ATP2C1: variants seen among roughly 807,000 people sequenced by gnomAD.
The protein encoded by ATP2C1 is calcium-transporting ATPase type 2C member 1.
In ATP2C1, 31 loss-of-function variants were observed where a neutral mutation model predicts 120.5. That is an observed-to-expected ratio of 0.26 (90% CI 0.19 to 0.35). The LOEUF is 0.35. ATP2C1 is among the 10% of genes least tolerant of loss of function. ATP2C1 has a pLI of 1.00. For missense variants in ATP2C1, 731 were observed against 1,107.5 expected (o/e 0.66, Z 4.83); for synonymous variants, 351 against 358.7 (o/e 0.98, Z 0.24).
chr3:131,015,467 T>C (rs1412637137), intron 26 of ATP2C1, among the ~76,000 whole-genome samples: 2 of 152,240 alleles, frequency 1.3e-5, no homozygotes, highest in African/African-American at 2.4e-5. Context: ...CTTTTTATCA[T>C]ACCCAGCTTA....
chr3:131,005,267 C>T (rs2063062646), downstream of ATP2C1, among the ~76,000 whole-genome samples: 1 of 151,852 alleles, frequency 6.6e-6, no homozygotes, highest in South Asian at 2.1e-4. Flanking sequence ...AGGTGCACAC[C>T]ACCATGTCTG....
chr3:130,912,105 G>A (rs2058448692), intron 2 of ATP2C1, among the ~76,000 whole-genome samples: 1 of 104,936 alleles, frequency 9.5e-6, no homozygotes, highest in Non-Finnish European at 1.9e-5. Context: ...ATCAATTCAA[G>A]ATGGATTAAA....
rs537485575 is a variant in ATP2C1 at position 130,961,964 on chromosome 3, A to G, written c.900-2007A>G. 5.3e-5 allele frequency among the ~76,000 whole-genome samples: 8 copies of G among 152,166 alleles called. No individual in the cohort carries two copies. The East Asian group carries it at 1.3e-3, about 26-fold the overall frequency. On this transcript the variant is annotated intron_variant, in intron 12 of 27. Coordinates refer to ENST00000510168, the MANE Select transcript of ATP2C1 (RefSeq NM_001378687.1). ...ACACCTTAATTTTGATGAGTGAGCA[A>G]TCTGTTTTTAAGGACAAAAAAGAAA... is the stretch of plus-strand genomic sequence containing the variant.
intron 1 of ATP2C1, among the ~76,000 whole-genome samples, chr3:130,867,500 C>T (rs1268237249): frequency 1.3e-5 from 2 of 149,084 alleles, no homozygotes; most frequent in East Asian, 2.0e-4. Context: ...CTGTGTTGGC[C>T]GGGCTGGTCT....
chr3:130,891,012 G>C (rs1461085311), upstream of ATP2C1, among the ~76,000 whole-genome samples: 3 of 152,162 alleles, frequency 2.0e-5, no homozygotes, highest in Non-Finnish European at 4.4e-5. Context: ...AGGAGTTCAA[G>C]ACTGCAGTGT....
At chr3:130,990,273 C>T (rs953752429) in intron 20 of ATP2C1, among the ~76,000 whole-genome samples, 35 of 13,288 alleles carry the variant, frequency 2.6e-3, no homozygotes, top group Non-Finnish European at 7.4e-3. Context: ...TTAAGAGCAA[C>T]CCCCCCCCCC....
chr3:130,916,178 G>T (rs1413810311), intron 2 of ATP2C1, among the ~76,000 whole-genome samples: 1 of 151,908 alleles, frequency 6.6e-6, no homozygotes, highest in Admixed American at 6.6e-5. Flanking sequence ...GGCTGAGGTG[G>T]GTGGATTGCC....
At chr3:130,948,674 A>C (rs2060247965) in intron 8 of ATP2C1, among the ~76,000 whole-genome samples, 1 of 152,030 alleles carries the variant, frequency 6.6e-6, no homozygotes, top group Non-Finnish European at 1.5e-5. Flanking sequence ...GGCATACCTC[A>C]TTTTATCATG....
chr3:130,942,594 A>G (rs2059971322), intron 8 of ATP2C1, among the ~76,000 whole-genome samples: 1 of 152,234 alleles, frequency 6.6e-6, no homozygotes, highest in African/African-American at 2.4e-5. Context: ...AGACTGTAAT[A>G]AGAACAAACT....
intron 20 of ATP2C1, among the ~76,000 whole-genome samples, chr3:130,988,750 A>G (rs915697213): frequency 2.0e-5 from 3 of 152,224 alleles, no homozygotes; most frequent in African/African-American, 7.2e-5. Context: ...CAGTAGATGC[A>G]GCCAGTTCTA....
At chr3:130,863,626 A>G (rs2068082306) in intron 1 of ATP2C1, among the ~76,000 whole-genome samples, 1 of 152,116 alleles carries the variant, frequency 6.6e-6, no homozygotes, top group Non-Finnish European at 1.5e-5. Flanking sequence ...CCCAAATCTC[A>G]ATTAAACTGT....
chr3:130,956,055 C>A, intron 10 of ATP2C1, 49 bp from the exon 11 acceptor site: 1 of 1,301,060 alleles, frequency 7.7e-7, no homozygotes, highest in Non-Finnish European at 1.1e-6. Flanking sequence ...CTTGATAAAG[C>A]TTAGTAAATA....
intron 4 of ATP2C1, among the ~76,000 whole-genome samples, chr3:130,933,758 T>C (rs2059551168): frequency 6.6e-6 from 1 of 152,226 alleles, no homozygotes; most frequent in Non-Finnish European, 1.5e-5. Flanking sequence ...GGCATTGGTA[T>C]TGTTAAAAGT....
At chr3:130,946,085 C>A (rs954012903) in intron 8 of ATP2C1, among the ~76,000 whole-genome samples, 1 of 151,976 alleles carries the variant, frequency 6.6e-6, no homozygotes, top group Non-Finnish European at 1.5e-5. Flanking sequence ...TTTTTTAAAC[C>A]TATTTTTGAT....
chr3:130,980,143 CTG>C (rs1343833663), intron 19 of ATP2C1, among the ~76,000 whole-genome samples: 2 of 152,150 alleles, frequency 1.3e-5, no homozygotes, highest in Non-Finnish European at 2.9e-5. Flanking sequence ...GCTTCGGACA[CTG>C]TACTTAAAAT....
chr3:130,930,386 A>G (rs1157173687), intron 2 of ATP2C1, 30 bp from the exon 3 acceptor site: 24 of 1,384,688 alleles, frequency 1.7e-5, no homozygotes, highest in Non-Finnish European at 2.3e-5. Flanking sequence ...TGCTATATTC[A>G]AATATTTTTT....
intron 8 of ATP2C1, among the ~76,000 whole-genome samples, chr3:130,948,621 A>G (rs933168585): frequency 2.6e-5 from 4 of 152,068 alleles, no homozygotes; most frequent in African/African-American, 9.7e-5. Flanking sequence ...ATCTTCAGCT[A>G]TTCTTTCTGT....
At chr3:130,956,569 A>T (rs1340969954) in intron 11 of ATP2C1, among the ~76,000 whole-genome samples, 2 of 151,096 alleles carry the variant, frequency 1.3e-5, no homozygotes, top group African/African-American at 4.9e-5. Context: ...ATATAAGAAG[A>T]CCTCTTCTAG....
chr3:131,014,126 T>C, intron 26 of ATP2C1: 1 of 1,612,278 alleles, frequency 6.2e-7, no homozygotes, highest in Admixed American at 1.7e-5. Context: ...ACCGGTTGTT[T>C]CCCTCATACC....
Sources: allele counts gnomAD v4.1 joint callset (sites outside exome capture counted in the v4.1 genomes callset), GRCh38; gene constraint gnomAD v4.1.1; transcripts MANE v1.5; gene names NCBI Gene and HGNC (gene_info 2026-07-23, HGNC 2026-07-21).